The following MRTFB variants were observed in gnomAD, a reference collection of about 807,000 sequenced individuals.
The protein encoded by MRTFB is myocardin related transcription factor B, also known as myocardin-related transcription factor B.
MRTFB carries 29 observed loss-of-function variants against 104.2 expected under a neutral mutation model. The observed-to-expected ratio is 0.28, with a 90% CI of 0.21 to 0.38. The LOEUF is 0.38. MRTFB is among the 10% of genes least tolerant of loss of function. The pLI is 1.00. For missense variants in MRTFB, 1,270 were observed against 1,341.6 expected, an observed-to-expected ratio of 0.95 and a Z score of 0.83; for synonymous variants, 535 against 519.5, an observed-to-expected ratio of 1.03 and a Z score of -0.41.
At chr16:14,252,744 T>C (rs1306191567) in intron 15 of MRTFB, among the ~76,000 whole-genome samples, 1 of 152,246 alleles carries the variant, frequency 6.6e-6, no homozygotes, top group Non-Finnish European at 1.5e-5. Flanking sequence ...GGTTTATCTC[T>C]TAACTTTTCT....
At chr16:14,012,176 C>T in the MRTFB span, among the ~76,000 whole-genome samples, 21 of 150,464 alleles carry the variant, frequency 1.4e-4, no homozygotes, top group Admixed American at 4.0e-4. Context: ...GTTTACTCAA[C>T]GCAGGTGCAA....
the MRTFB span, among the ~76,000 whole-genome samples, chr16:14,065,629 G>A: frequency 6.6e-6 from 1 of 151,988 alleles, no homozygotes; most frequent in Non-Finnish European, 1.5e-5. Context: ...CCTGTAGTCC[G>A]AGCTACTCAG....
intron 3 of MRTFB, among the ~76,000 whole-genome samples, chr16:14,198,002 C>T (rs1008369571): frequency 3.9e-5 from 6 of 152,062 alleles, no homozygotes; most frequent in East Asian, 1.9e-4. Flanking sequence ...CTCCCTTCCC[C>T]GCAATCCCTG....
chr16:14,224,179 G>A (rs528296933), intron 8 of MRTFB, among the ~76,000 whole-genome samples: 74 of 152,268 alleles, frequency 4.9e-4, no homozygotes, highest in Non-Finnish European at 8.7e-4. Flanking sequence ...ACAGAAAGGG[G>A]GAAGTCTGCC....
Position 14,136,224 on chromosome 16 carries a change from A to T in MRTFB, c.-63-4320A>T, listed in dbSNP as rs191712582. On this transcript the variant is annotated intron_variant, in intron 2 of 16. Transcript: ENST00000571589. Reference sequence around the variant, plus strand: ...GGGAGGTGGAGGCTGCAGTGAGCCAAGATTGTGCCACTGCACTCCAGCCTG... The same window carrying T: ...GGGAGGTGGAGGCTGCAGTGAGCCATGATTGTGCCACTGCACTCCAGCCTG... 1.9e-3 allele frequency among the ~76,000 whole-genome samples: 292 copies of T among 152,132 alleles called. 4 individuals carry two copies. The highest frequency in any genetic ancestry group is 0.013 in the Admixed American group (205 of 15,294).
chr16:14,023,534 C>T, the MRTFB span, among the ~76,000 whole-genome samples: 659 of 151,650 alleles, frequency 4.3e-3, 4 homozygotes, highest in African/African-American at 0.015. Flanking sequence ...TCAGTTTCAT[C>T]ATCCGTAAAA....
chr16:14,218,678 T>C (rs963514737), intron 7 of MRTFB, 142 bp from the exon 8 acceptor site: 1 of 722,706 alleles, frequency 1.4e-6, no homozygotes, highest in Non-Finnish European at 2.2e-6. Flanking sequence ...GGTGTGTTCT[T>C]GCACTGGGAG....
At chr16:14,084,626 T>C (rs996110775) in intron 2 of MRTFB, among the ~76,000 whole-genome samples, 2 of 152,336 alleles carry the variant, frequency 1.3e-5, no homozygotes, top group Non-Finnish European at 2.9e-5. Context: ...TGGAATAGCA[T>C]ATAGAATATG....
At chr16:14,118,937 T>G (rs893712923) in intron 2 of MRTFB, among the ~76,000 whole-genome samples, 2 of 146,016 alleles carry the variant, frequency 1.4e-5, no homozygotes, top group Admixed American at 6.8e-5. Context: ...TTCTTTCAGT[T>G]TTGTTGTATG....
chr16:14,121,272 G>GA (rs1160260847), intron 2 of MRTFB, among the ~76,000 whole-genome samples: 1 of 146,346 alleles, frequency 6.8e-6, no homozygotes, highest in African/African-American at 2.5e-5. Context: ...AATTGAATCA[G>GA]AAAAAAAAAG....
rs545437861 is a variant in MRTFB at position 14,219,182 on chromosome 16, C to T, written c.693+184C>T. 1.8e-4 allele frequency among the ~76,000 whole-genome samples: 28 copies of T among 152,276 alleles called. No homozygotes were observed. In the South Asian group the frequency reaches 2.3e-3, roughly 12 times the overall value. The stretch of plus-strand genomic sequence containing the variant: ...TAAAGATTTCCAGCCACTATGTCTT[C>T]ATCACAAGTAGGTAATACCATTTCC... On this transcript the variant is annotated intron_variant, in intron 8 of 16. Coordinates refer to ENST00000571589, the MANE Select transcript of MRTFB (RefSeq NM_001308142.2).
At chr16:13,995,399 A>G in the MRTFB span, among the ~76,000 whole-genome samples, 1 of 152,204 alleles carries the variant, frequency 6.6e-6, no homozygotes, top group Non-Finnish European at 1.5e-5. Context: ...CTTGAGTCCA[A>G]AGGAGCATTG....
intron 10 of MRTFB, among the ~76,000 whole-genome samples, chr16:14,242,548 T>C (rs1378670957): frequency 6.6e-6 from 1 of 152,104 alleles, no homozygotes; most frequent in African/African-American, 2.4e-5. Context: ...AGTCATAGAG[T>C]GCCCATAGTG....
At chr16:14,222,888 G>T (rs966193642) in intron 8 of MRTFB, among the ~76,000 whole-genome samples, 1 of 151,956 alleles carries the variant, frequency 6.6e-6, no homozygotes, top group African/African-American at 2.4e-5. Context: ...TTCAACAAAA[G>T]ATACAAAGAA....
chr16:14,074,174 G>T (rs1418855522), intron 1 of MRTFB, among the ~76,000 whole-genome samples: 1 of 152,116 alleles, frequency 6.6e-6, no homozygotes, highest in Non-Finnish European at 1.5e-5. Context: ...AATGACTGCT[G>T]TCAAAACAGA....
chr16:14,237,056 C>T (rs1194155255), intron 9 of MRTFB, among the ~76,000 whole-genome samples: 1 of 152,132 alleles, frequency 6.6e-6, no homozygotes, highest in Non-Finnish European at 1.5e-5. Flanking sequence ...AAGGAGTACA[C>T]CTGGAGTGTG....
intron 2 of MRTFB, among the ~76,000 whole-genome samples, chr16:14,105,888 T>C (rs892339828): frequency 6.6e-6 from 1 of 152,230 alleles, no homozygotes; most frequent in Non-Finnish European, 1.5e-5. Flanking sequence ...GTGAAGTATT[T>C]CAGTGGGTTG....
intron 3 of MRTFB, among the ~76,000 whole-genome samples, chr16:14,181,934 C>G (rs996760626): frequency 6.6e-5 from 10 of 152,156 alleles, no homozygotes; most frequent in South Asian, 4.1e-4. Flanking sequence ...ATGGTCATCT[C>G]TTTCATACTA....
At chr16:14,246,430 G>T in intron 11 of MRTFB, 43 bp from the exon 12 acceptor site, 3 of 1,589,230 alleles carry the variant, frequency 1.9e-6, no homozygotes, top group Non-Finnish European at 2.6e-6. Flanking sequence ...AGATTTGCCA[G>T]AAAGCTCTAA....
Sources: gnomAD v4.1 joint callset for allele counts (sites outside exome capture counted in the v4.1 genomes callset) on GRCh38, gnomAD v4.1.1 for gene constraint, MANE v1.5 for transcripts, NCBI Gene and HGNC (gene_info 2026-07-23, HGNC 2026-07-21) for gene names.